Variants in HS3ST3A1 observed in about 807,000 individuals in gnomAD.
HS3ST3A1 encodes the protein heparan sulfate glucosamine 3-O-sulfotransferase 3A1.
HS3ST3A1 carries 19 observed loss-of-function variants against 25.7 expected under a neutral mutation model. The observed-to-expected ratio is 0.74, with a 90% CI of 0.52 to 1.08. The LOEUF (loss-of-function observed/expected upper bound fraction) is 1.08. HS3ST3A1 is among the 50% of genes least tolerant of loss of function. The probability of loss-of-function intolerance (pLI) is 0.00; values close to 1 mark genes in which losing one functional copy is unlikely to be tolerated. For missense variants in HS3ST3A1, 459 were observed against 594.3 expected, an observed-to-expected ratio of 0.77 and a Z score of 2.37; for synonymous variants, 226 against 278.6, an observed-to-expected ratio of 0.81 and a Z score of 1.88.
At chr17:13,552,707 G>A (rs537964249) in intron 1 of HS3ST3A1, among the ~76,000 whole-genome samples, 2 of 152,202 alleles carry the variant, frequency 1.3e-5, no homozygotes, top group African/African-American at 4.8e-5. Context: ...GGCAAGGCTG[G>A]AGAACTTTTT....
chr17:13,560,147 A>G (rs938328552), intron 1 of HS3ST3A1, among the ~76,000 whole-genome samples: 1 of 151,316 alleles, frequency 6.6e-6, no homozygotes, highest in Non-Finnish European at 1.5e-5. Flanking sequence ...AAAATTAGCC[A>G]GGTATGGTGG....
chr17:13,599,862 T>C (rs1243913642), intron 1 of HS3ST3A1, among the ~76,000 whole-genome samples: 1 of 152,264 alleles, frequency 6.6e-6, no homozygotes, highest in Non-Finnish European at 1.5e-5. Context: ...AGACAAAAGT[T>C]ACTTTTCCCT....
At chr17:13,574,848 A>C (rs1907911437) in intron 1 of HS3ST3A1, among the ~76,000 whole-genome samples, 1 of 152,098 alleles carries the variant, frequency 6.6e-6, no homozygotes, top group Non-Finnish European at 1.5e-5. Flanking sequence ...ATTGTAAAAC[A>C]CTAAAACTGA....
intron 1 of HS3ST3A1, among the ~76,000 whole-genome samples, chr17:13,579,715 AAAAAAAAAAAAAAT>A (rs1414886647): frequency 1.4e-5 from 2 of 142,230 alleles, no homozygotes; most frequent in Non-Finnish European, 3.1e-5. Context: ...AAAAAAAAAA[AAAAAAAAAAAAAAT>A]CATAAGAAAT....
intron 1 of HS3ST3A1, among the ~76,000 whole-genome samples, chr17:13,557,221 G>T (rs1907407447): frequency 6.6e-6 from 1 of 152,136 alleles, no homozygotes; most frequent in African/African-American, 2.4e-5. Context: ...CTTCACAGTT[G>T]CTGAATCACT....
intron 1 of HS3ST3A1, among the ~76,000 whole-genome samples, chr17:13,543,974 TCA>T (rs1907010115): frequency 6.6e-6 from 1 of 152,186 alleles, no homozygotes; most frequent in South Asian, 2.1e-4. Context: ...TCTCTTCATC[TCA>T]GTTTCCAAAA....
intron 1 of HS3ST3A1, among the ~76,000 whole-genome samples, chr17:13,578,716 G>A (rs563753090): frequency 6.6e-6 from 1 of 152,082 alleles, no homozygotes; most frequent in African/African-American, 2.4e-5. Context: ...AATACTGAAC[G>A]AATGAATGTT....
intron 1 of HS3ST3A1, among the ~76,000 whole-genome samples, chr17:13,545,387 A>T (rs552260071): frequency 3.3e-5 from 5 of 152,300 alleles, no homozygotes; most frequent in South Asian, 2.1e-4. Context: ...GTTGCTTCTC[A>T]TCGTGGTGGA....
At chr17:13,592,920 C>T (rs930327172) in intron 1 of HS3ST3A1, among the ~76,000 whole-genome samples, 2 of 152,122 alleles carry the variant, frequency 1.3e-5, no homozygotes, top group African/African-American at 4.8e-5. Flanking sequence ...TGGAATAAAC[C>T]TGCATAGTTA....
At chr17:13,570,526 C>G (rs1386213317) in intron 1 of HS3ST3A1, among the ~76,000 whole-genome samples, 1 of 152,192 alleles carries the variant, frequency 6.6e-6, no homozygotes, top group Non-Finnish European at 1.5e-5. Context: ...GCTCTCTAGG[C>G]TGGAATGCAG....
At chr17:13,574,496 A>C (rs1598430408) in intron 1 of HS3ST3A1, among the ~76,000 whole-genome samples, 1 of 151,416 alleles carries the variant, frequency 6.6e-6, no homozygotes, top group Admixed American at 6.6e-5. Context: ...AGACAGGCGG[A>C]TCACGAGGTC....
At chr17:13,505,398 T>C (rs1905630135) in intron 1 of HS3ST3A1, among the ~76,000 whole-genome samples, 1 of 152,114 alleles carries the variant, frequency 6.6e-6, no homozygotes, top group South Asian at 2.1e-4. Context: ...ACCAAAAAGA[T>C]GATGACTTGA....
rs537196932 is a variant in HS3ST3A1, at chr17:13,598,621, A to G, written c.599+1910T>C. Among the ~76,000 whole-genome samples, 67 of 152,290 alleles carry G rather than the reference A, an allele frequency of 4.4e-4. 1 individual carries two copies. Among genetic ancestry groups the G allele is most frequent in the African/African-American group, 1.5e-3 (62 of 41,566 alleles). On this transcript the variant is annotated intron_variant, in intron 1 of 1. Transcript: ENST00000284110. ...AGAAGAGATTTACTTTATAGCATGC[A>G]TTCAGTTTCCAAAGGAAAGAGTGGC...
rs1319438941 is a variant in HS3ST3A1, at chr17:13,494,623, TC to T, written c.*1573del. On this transcript the variant is annotated 3_prime_UTR_variant, in exon 2 of 2. Transcript: ENST00000284110. ...ACTTCCATGAAATAGAAGACATTTT[TC>T]CTCTTGGGTTTAAATTTCTAATAAA... is the stretch of plus-strand genomic sequence containing the variant. Among the ~76,000 whole-genome samples the T allele has an allele frequency of 1.3e-5, 2 of 152,218 alleles. No individual in the cohort carries two copies. Among genetic ancestry groups the T allele is most frequent in the Non-Finnish European group, 2.9e-5 (2 of 68,030 alleles).
intron 1 of HS3ST3A1, among the ~76,000 whole-genome samples, chr17:13,560,289 C>CAGAAAAAAAAAAAAAA (rs570211129): frequency 5.8e-5 from 1 of 17,378 alleles, no homozygotes; most frequent in African/African-American, 1.7e-4. Flanking sequence ...CACTCGTCTC[C>CAGAAAAAAAAAAAAAA]AAAAAAAAAA....
intron 1 of HS3ST3A1, among the ~76,000 whole-genome samples, chr17:13,577,352 T>C (rs932306451): frequency 6.6e-6 from 1 of 152,178 alleles, no homozygotes; most frequent in Admixed American, 6.5e-5. Context: ...AGTCTCCAGT[T>C]CTCCAAGCTA....
At chr17:13,515,194 T>A (rs1179327552) in intron 1 of HS3ST3A1, among the ~76,000 whole-genome samples, 2 of 152,220 alleles carry the variant, frequency 1.3e-5, no homozygotes, top group East Asian at 3.8e-4. Flanking sequence ...CGAGTTTCCC[T>A]CTTTTGCCCA....
Position 13,494,746 on chromosome 17 carries a change from A to T in HS3ST3A1, c.*1451T>A, listed in dbSNP as rs945822483. ...ATTCCCATTAATGCTAATCTTGTTA[A>T]TACCCACTCAGAGAGGAAAGGAATA... On this transcript the variant is annotated 3_prime_UTR_variant, in exon 2 of 2. Transcript: ENST00000284110. 1.3e-5 allele frequency among the ~76,000 whole-genome samples: 2 copies of T among 152,184 alleles called. No individual in the cohort carries two copies. Among genetic ancestry groups the T allele is most frequent in the African/African-American group, 4.8e-5 (2 of 41,456 alleles).
intron 1 of HS3ST3A1, among the ~76,000 whole-genome samples, chr17:13,506,458 T>C (rs540517163): frequency 8.5e-5 from 13 of 152,316 alleles, no homozygotes; most frequent in African/African-American, 3.1e-4. Flanking sequence ...TGCTCTGAAG[T>C]AAGGCTCCAC....
Sources: gnomAD v4.1 joint callset for allele counts (sites outside exome capture counted in the v4.1 genomes callset) on GRCh38, gnomAD v4.1.1 for gene constraint, MANE v1.5 for transcripts, NCBI Gene and HGNC (gene_info 2026-07-23, HGNC 2026-07-21) for gene names.